DPP10: variants seen among roughly 807,000 people sequenced by gnomAD.
The protein encoded by DPP10 is dipeptidyl peptidase like 10, also known as inactive dipeptidyl peptidase 10.
Under a neutral mutation model 120.9 loss-of-function variants are expected in DPP10, and 33 were observed. The observed-to-expected ratio is 0.27, with a 90% CI of 0.21 to 0.37. DPP10 has a LOEUF of 0.37. Among genes scored for constraint, DPP10 ranks in the 10% least tolerant of loss-of-function variants. The probability of loss-of-function intolerance (pLI) is 1.00; values close to 1 mark genes in which losing one functional copy is unlikely to be tolerated. For missense variants in DPP10, 816 were observed against 942.8 expected, an observed-to-expected ratio of 0.87 and a Z score of 1.76; for synonymous variants, 337 against 326.1, an observed-to-expected ratio of 1.03 and a Z score of -0.36.
chr2:115,772,938 A>G (rs1681655077), intron 13 of DPP10, among the ~76,000 whole-genome samples: 3 of 152,164 alleles, frequency 2.0e-5, no homozygotes, highest in Admixed American at 6.6e-5. Context: ...GAATCCATTC[A>G]CTTTCTCTAT....
chr2:114,483,801 T>C (rs927875779), intron 1 of DPP10, among the ~76,000 whole-genome samples: 3 of 152,106 alleles, frequency 2.0e-5, no homozygotes, highest in Non-Finnish European at 2.9e-5. Context: ...AGATTCACAT[T>C]TTTAAAAATC....
At chr2:114,951,308 T>C (rs1286939606) in intron 1 of DPP10, among the ~76,000 whole-genome samples, 2 of 152,206 alleles carry the variant, frequency 1.3e-5, no homozygotes, top group Non-Finnish European at 2.9e-5. Context: ...TCCATACTAT[T>C]GTCATGTTTA....
intron 1 of DPP10, among the ~76,000 whole-genome samples, chr2:114,924,092 C>A (rs936752706): frequency 6.6e-6 from 1 of 152,142 alleles, no homozygotes; most frequent in African/African-American, 2.4e-5. Context: ...CTTTCTGTGG[C>A]TGCCCTCACT....
At chr2:115,450,562 C>T (rs1321697881) in intron 3 of DPP10, among the ~76,000 whole-genome samples, 1 of 151,968 alleles carries the variant, frequency 6.6e-6, no homozygotes, top group Non-Finnish European at 1.5e-5. Flanking sequence ...GAAAAGCAAC[C>T]TTTGACAATA....
At chr2:115,797,720 C>T (rs1445586996) in intron 19 of DPP10, among the ~76,000 whole-genome samples, 1 of 151,724 alleles carries the variant, frequency 6.6e-6, no homozygotes, top group Non-Finnish European at 1.5e-5. Context: ...CTGTTTTTTT[C>T]TTGAACATAT....
chr2:114,748,392 TTA>T (rs1364083418), intron 1 of DPP10, among the ~76,000 whole-genome samples: 1 of 142,930 alleles, frequency 7.0e-6, no homozygotes, highest in African/African-American at 2.6e-5. Flanking sequence ...ATTTATTTAT[TTA>T]TTTATTTTAA....
intron 1 of DPP10, among the ~76,000 whole-genome samples, chr2:114,746,045 C>T (rs1431577188): frequency 6.6e-6 from 1 of 152,208 alleles, no homozygotes; most frequent in African/African-American, 2.4e-5. Context: ...AGTTTCTTGA[C>T]TACTTTTGTG....
intron 1 of DPP10, among the ~76,000 whole-genome samples, chr2:114,453,528 T>C (rs1023634679): frequency 6.6e-6 from 1 of 152,182 alleles, no homozygotes; most frequent in African/African-American, 2.4e-5. Context: ...TTATGTCTTC[T>C]CTGCTACATC....
chr2:115,536,493 A>G (rs1318242943), intron 5 of DPP10, among the ~76,000 whole-genome samples: 2 of 151,986 alleles, frequency 1.3e-5, no homozygotes, highest in East Asian at 1.9e-4. Flanking sequence ...GTCTTTGTTT[A>G]TTCTCAGTTA....
intron 1 of DPP10, among the ~76,000 whole-genome samples, chr2:115,080,035 T>C (rs1412228273): frequency 3.9e-5 from 6 of 152,162 alleles, no homozygotes; most frequent in African/African-American, 1.4e-4. Flanking sequence ...TCTTTTTTTT[T>C]AGATGGAGTC....
chr2:115,711,915 GGTTTT>G (rs1559061008), intron 7 of DPP10, among the ~76,000 whole-genome samples: 3 of 96,972 alleles, frequency 3.1e-5, no homozygotes, highest in East Asian at 6.0e-4. Context: ...AAAATGGTCT[GGTTTT>G]TTTTTTTTTT....
chr2:115,412,589 C>T (rs969757101), intron 3 of DPP10, among the ~76,000 whole-genome samples: 13 of 152,130 alleles, frequency 8.5e-5, no homozygotes, highest in African/African-American at 3.1e-4. Context: ...AATACAGTTG[C>T]ATATGATAAT....
At chr2:114,985,038 C>A (rs762329325) in intron 1 of DPP10, among the ~76,000 whole-genome samples, 9 of 152,150 alleles carry the variant, frequency 5.9e-5, no homozygotes, top group Non-Finnish European at 1.3e-4. Flanking sequence ...TTGATATATT[C>A]CCATATATGT....
intron 1 of DPP10, among the ~76,000 whole-genome samples, chr2:114,529,839 C>T (rs1260689572): frequency 1.3e-5 from 2 of 152,082 alleles, no homozygotes; most frequent in Non-Finnish European, 2.9e-5. Flanking sequence ...TCTCCCTCCT[C>T]CCTCCCTCTG....
At chr2:115,393,602 A>G (rs575015232) in intron 3 of DPP10, among the ~76,000 whole-genome samples, 2 of 152,316 alleles carry the variant, frequency 1.3e-5, no homozygotes, top group African/African-American at 2.4e-5. Context: ...AAGGGCCAAT[A>G]CAGTTTTCTG....
chr2:115,630,673 T>C (rs886375685), intron 5 of DPP10, among the ~76,000 whole-genome samples: 1 of 152,232 alleles, frequency 6.6e-6, no homozygotes, highest in Non-Finnish European at 1.5e-5. Context: ...ATGTGGTTTT[T>C]ATATTTAGTT....
At chr2:115,030,183 T>G (rs1032814915) in intron 1 of DPP10, among the ~76,000 whole-genome samples, 1 of 152,190 alleles carries the variant, frequency 6.6e-6, no homozygotes, top group East Asian at 1.9e-4. Context: ...TTTTTTTTTT[T>G]TTATTTCTCA....
chr2:115,465,692 G>T (rs2074285313), intron 3 of DPP10, among the ~76,000 whole-genome samples: 1 of 151,980 alleles, frequency 6.6e-6, no homozygotes, highest in Non-Finnish European at 1.5e-5. Flanking sequence ...GGGTGGTGGC[G>T]CATATCTGTA....
chr2:114,526,443 G>A (rs1019928797), intron 1 of DPP10, among the ~76,000 whole-genome samples: 2 of 152,146 alleles, frequency 1.3e-5, no homozygotes, highest in Non-Finnish European at 2.9e-5. Flanking sequence ...AAGAGGATCA[G>A]ACATTACAAA....
Sources: gnomAD v4.1 joint callset for allele counts (sites outside exome capture counted in the v4.1 genomes callset) on GRCh38, gnomAD v4.1.1 for gene constraint, MANE v1.5 for transcripts, NCBI Gene and HGNC (gene_info 2026-07-23, HGNC 2026-07-21) for gene names.